The following PTK2 variants were observed in gnomAD, a reference collection of about 807,000 sequenced individuals.
The protein encoded by PTK2 is protein tyrosine kinase 2.
Under a neutral mutation model 150.1 loss-of-function variants are expected in PTK2, and 45 were observed. The ratio of observed to expected loss-of-function variants is 0.30; its 90% CI spans 0.24 to 0.38. The LOEUF (loss-of-function observed/expected upper bound fraction) is 0.38. PTK2 is among the 10% of genes least tolerant of loss of function. The pLI is 1.00. For synonymous variants in PTK2, 432 were observed against 449.2 expected, an observed-to-expected ratio of 0.96 and a Z score of 0.48; for missense variants, 919 against 1,307.3, an observed-to-expected ratio of 0.70 and a Z score of 4.58.
chr8:140,855,379 A>G (rs1452181404), intron 5 of PTK2, among the ~76,000 whole-genome samples: 1 of 152,070 alleles, frequency 6.6e-6, no homozygotes, highest in African/African-American at 2.4e-5. Context: ...GTGGATCACG[A>G]GGTCAGGAGA....
chr8:140,907,392 T>C (rs548956156), intron 2 of PTK2, among the ~76,000 whole-genome samples: 5 of 152,178 alleles, frequency 3.3e-5, no homozygotes, highest in African/African-American at 4.8e-5. Context: ...CAAGTTTCCG[T>C]TGAACATCAT....
chr8:140,748,302 T>C (rs1185494407), intron 17 of PTK2, among the ~76,000 whole-genome samples: 1 of 152,100 alleles, frequency 6.6e-6, no homozygotes, highest in East Asian at 1.9e-4. Flanking sequence ...GAGACCAGCC[T>C]GGCCAACATG....
At chr8:140,676,815 G>C (rs1050893350) in intron 27 of PTK2, among the ~76,000 whole-genome samples, 5 of 144,442 alleles carry the variant, frequency 3.5e-5, no homozygotes, top group African/African-American at 1.0e-4. Flanking sequence ...GTGTGTGCCC[G>C]TAATCCCAGC....
chr8:140,664,519 A>C (rs2086819476), intron 31 of PTK2, among the ~76,000 whole-genome samples: 1 of 152,230 alleles, frequency 6.6e-6, no homozygotes, highest in African/African-American at 2.4e-5. Flanking sequence ...TCGAGGAAGC[A>C]GACCATGCAC....
intron 14 of PTK2, among the ~76,000 whole-genome samples, 182 bp from the exon 16 acceptor site, chr8:140,769,774 G>A (rs1316528674): frequency 6.6e-6 from 1 of 152,096 alleles, no homozygotes; most frequent in Non-Finnish European, 1.5e-5. Context: ...AGACTGTAGT[G>A]GTAGTATGTT....
At chr8:140,800,807 G>A (rs1183455117) in intron 11 of PTK2, among the ~76,000 whole-genome samples, 1 of 152,110 alleles carries the variant, frequency 6.6e-6, no homozygotes, top group Non-Finnish European at 1.5e-5. Flanking sequence ...TTAAACTGGG[G>A]CTCACTTTCT....
chr8:140,851,272 C>A (rs896189232), intron 5 of PTK2, among the ~76,000 whole-genome samples: 2 of 152,154 alleles, frequency 1.3e-5, no homozygotes, highest in Admixed American at 6.5e-5. Context: ...AATTACGCTA[C>A]CTTAATGAGT....
At chr8:140,768,157 C>T (rs754394603) in intron 14 of PTK2, among the ~76,000 whole-genome samples, 1 of 151,876 alleles carries the variant, frequency 6.6e-6, no homozygotes, top group Non-Finnish European at 1.5e-5. Context: ...GTCATTTAAT[C>T]CTCAGCAAAA....
chr8:140,770,895 A>G (rs914145867), intron 14 of PTK2, 96 bp from the exon 15 acceptor site: 23 of 407,878 alleles, frequency 5.6e-5, no homozygotes, highest in Non-Finnish European at 8.2e-5. Context: ...TATCTATAAA[A>G]ACAGATACAA....
At chr8:140,780,512 A>G (rs1294377371) in intron 14 of PTK2, among the ~76,000 whole-genome samples, 1 of 152,254 alleles carries the variant, frequency 6.6e-6, no homozygotes, top group Non-Finnish European at 1.5e-5. Flanking sequence ...AGCATCACAG[A>G]GATGTAATCA....
chr8:140,926,560 T>G, intron 1 of PTK2, among the ~76,000 whole-genome samples: 1 of 152,200 alleles, frequency 6.6e-6, no homozygotes, highest in East Asian at 1.9e-4. Context: ...CACCAAATCA[T>G]GAGGCTCATG....
intron 1 of PTK2, among the ~76,000 whole-genome samples, chr8:140,973,243 G>A (rs1346697631): frequency 2.0e-5 from 3 of 152,158 alleles, no homozygotes; most frequent in African/African-American, 4.8e-5. Context: ...TAATCTTTAA[G>A]CTCTTGGAAG....
intron 1 of PTK2, among the ~76,000 whole-genome samples, chr8:140,993,911 G>A (rs1360613160): frequency 6.6e-6 from 1 of 151,990 alleles, no homozygotes; most frequent in African/African-American, 2.4e-5. Flanking sequence ...TGCATCTCTT[G>A]TAGAGACCAA....
chr8:140,845,992 T>G (rs1278048994), intron 7 of PTK2, among the ~76,000 whole-genome samples: 1 of 151,008 alleles, frequency 6.6e-6, no homozygotes, highest in Non-Finnish European at 1.5e-5. Flanking sequence ...GAATTCAATA[T>G]AAATTAGAAA....
intron 14 of PTK2, among the ~76,000 whole-genome samples, chr8:140,768,076 A>G (rs761136727): frequency 7.9e-5 from 12 of 152,186 alleles, no homozygotes; most frequent in Non-Finnish European, 1.5e-4. Context: ...TTTAATAATG[A>G]CATTGACTAC....
chr8:140,906,517 T>A (rs1219695686), intron 2 of PTK2, among the ~76,000 whole-genome samples: 5 of 152,098 alleles, frequency 3.3e-5, no homozygotes, highest in African/African-American at 1.2e-4. Flanking sequence ...TGCAGCAACA[T>A]GAATGGAACC....
chr8:140,913,561 G>A (rs1370542831), intron 2 of PTK2, among the ~76,000 whole-genome samples: 3 of 152,122 alleles, frequency 2.0e-5, no homozygotes, highest in Admixed American at 6.5e-5. Context: ...CTCCCAAAGT[G>A]CTGGGATTAC....
intron 5 of PTK2, among the ~76,000 whole-genome samples, chr8:140,849,406 C>A (rs1436179360): frequency 6.6e-6 from 1 of 152,332 alleles, no homozygotes; most frequent in South Asian, 2.1e-4. Flanking sequence ...GAATTATGTA[C>A]ACACTTTGTT....
intron 14 of PTK2, among the ~76,000 whole-genome samples, chr8:140,786,073 T>C (rs953729549): frequency 6.6e-6 from 1 of 152,220 alleles, no homozygotes; most frequent in Non-Finnish European, 1.5e-5. Context: ...CAGACTCCAG[T>C]ATCTAGAATA....
Sources: gnomAD v4.1 joint callset for allele counts (sites outside exome capture counted in the v4.1 genomes callset) on GRCh38, gnomAD v4.1.1 for gene constraint, MANE v1.5 for transcripts, NCBI Gene and HGNC (gene_info 2026-07-23, HGNC 2026-07-21) for gene names.